LRBA: variants seen among roughly 807,000 people sequenced by gnomAD.
LRBA encodes the protein lipopolysaccharide-responsive and beige-like anchor protein.
A neutral mutation model predicts 330.0 loss-of-function variants in LRBA; 176 were observed. The observed-to-expected ratio is 0.53, with a 90% CI of 0.47 to 0.60. LRBA has a LOEUF of 0.60. Ranked by LOEUF, LRBA falls within the 20% of genes least tolerant of loss-of-function variation. The pLI is 0.00. For missense variants in LRBA, 3,259 were observed against 3,444.8 expected (o/e 0.95, Z 1.35); for synonymous variants, 1,230 against 1,193.0 (o/e 1.03, Z -0.64).
chr4:150,307,307 T>G (rs1423492636), intron 52 of LRBA, among the ~76,000 whole-genome samples: 1 of 151,656 alleles, frequency 6.6e-6, no homozygotes, highest in Non-Finnish European at 1.5e-5. Context: ...TGGCACAGGG[T>G]ATTTGGGGGC....
At chr4:150,770,489 T>C (rs550948511) in intron 34 of LRBA, among the ~76,000 whole-genome samples, 1 of 152,166 alleles carries the variant, frequency 6.6e-6, no homozygotes, top group East Asian at 1.9e-4. Flanking sequence ...AATACTTAAA[T>C]ACTATGGTGT....
chr4:150,919,846 G>T (rs1733050520), intron 5 of LRBA, among the ~76,000 whole-genome samples: 1 of 152,114 alleles, frequency 6.6e-6, no homozygotes, highest in African/African-American at 2.4e-5. Context: ...CAGCTCACCT[G>T]CCCTACTTTC....
chr4:150,369,242 C>T (rs1318754458), intron 47 of LRBA, among the ~76,000 whole-genome samples: 1 of 152,076 alleles, frequency 6.6e-6, no homozygotes, highest in Non-Finnish European at 1.5e-5. Flanking sequence ...CTATCTCATT[C>T]TTTCTCTTCT....
At chr4:150,597,061 T>A (rs762621210) in intron 38 of LRBA, 2 of 1,248,262 alleles carry the variant, frequency 1.6e-6, no homozygotes, top group Non-Finnish European at 2.3e-6. Context: ...AAAATTACTA[T>A]AAAATATTAC....
intron 42 of LRBA, among the ~76,000 whole-genome samples, chr4:150,481,644 T>A (rs970434142): frequency 5.3e-5 from 8 of 151,712 alleles, no homozygotes; most frequent in Non-Finnish European, 1.2e-4. Flanking sequence ...TAATTTCATA[T>A]AAATAAAACC....
chr4:150,574,249 T>C (rs1055780423), intron 40 of LRBA, among the ~76,000 whole-genome samples: 3 of 152,132 alleles, frequency 2.0e-5, no homozygotes, highest in South Asian at 2.1e-4. Flanking sequence ...AACTATATTT[T>C]GTAAATTTTT....
intron 34 of LRBA, among the ~76,000 whole-genome samples, chr4:150,786,482 G>A (rs1272741532): frequency 6.6e-6 from 1 of 151,938 alleles, no homozygotes; most frequent in Non-Finnish European, 1.5e-5. Flanking sequence ...GACCTCAGAT[G>A]ATCCACCCAG....
intron 46 of LRBA, among the ~76,000 whole-genome samples, chr4:150,434,844 C>A (rs550032554): frequency 1.3e-5 from 2 of 150,678 alleles, no homozygotes; most frequent in Non-Finnish European, 3.0e-5. Flanking sequence ...AGTGACAAAG[C>A]GAGACCTTGT....
chr4:150,591,765 T>C (rs1261112712), intron 38 of LRBA, among the ~76,000 whole-genome samples: 1 of 151,644 alleles, frequency 6.6e-6, no homozygotes, highest in Non-Finnish European at 1.5e-5. Context: ...AGAGAACACA[T>C]CTAGGGAGGG....
intron 36 of LRBA, among the ~76,000 whole-genome samples, chr4:150,732,552 T>C (rs1582179660): frequency 6.6e-6 from 1 of 152,092 alleles, no homozygotes; most frequent in East Asian, 1.9e-4. Context: ...ATCCTTTTCA[T>C]ATGTTTACTG....
At chr4:150,803,109 C>T (rs28526010) in intron 33 of LRBA, among the ~76,000 whole-genome samples, 18,540 of 143,902 alleles carry the variant, frequency 0.13, 1,780 homozygotes, top group African/African-American at 0.28. Context: ...CACACACACA[C>T]ATATATACAC....
intron 40 of LRBA, among the ~76,000 whole-genome samples, chr4:150,546,536 C>A (rs1398730553): frequency 1.3e-5 from 2 of 152,190 alleles, no homozygotes; most frequent in African/African-American, 4.8e-5. Flanking sequence ...AGGCTGCCTG[C>A]AGCTTACCCT....
chr4:150,447,306 C>T (rs1231154563), intron 44 of LRBA, among the ~76,000 whole-genome samples: 1 of 152,146 alleles, frequency 6.6e-6, no homozygotes, highest in African/African-American at 2.4e-5. Flanking sequence ...TGAGATTAGC[C>T]TTTAAACTGG....
intron 35 of LRBA, among the ~76,000 whole-genome samples, chr4:150,743,509 A>G (rs1284796794): frequency 1.3e-5 from 2 of 152,224 alleles, no homozygotes; most frequent in Admixed American, 1.3e-4. Flanking sequence ...AGCTTGGGGA[A>G]CATATAAAAG....
chr4:150,532,698 A>G (rs1430547930), intron 40 of LRBA, among the ~76,000 whole-genome samples: 1 of 152,144 alleles, frequency 6.6e-6, no homozygotes, highest in Non-Finnish European at 1.5e-5. Context: ...TATAAAACAG[A>G]AAGAGAAGAA....
chr4:150,815,782 C>T lies in LRBA; in HGVS notation c.5305+1342G>A, dbSNP rs1236033744. 3.9e-5 allele frequency among the ~76,000 whole-genome samples: 6 copies of T among 151,976 alleles called. No homozygotes were observed. The East Asian group carries it at 1.2e-3, about 29-fold the overall frequency. The stretch of plus-strand genomic sequence containing the variant: ...TGGAGATCCAAATGACTTCATAATA[C>T]ACTTTCTTGCTTTTACCATGTAAAG... On this transcript the variant is annotated intron_variant, in intron 31 of 56. Transcript: ENST00000651943.
At chr4:150,809,857 TACG>T (rs1743375139) in intron 31 of LRBA, among the ~76,000 whole-genome samples, 6 of 13,494 alleles carry the variant, frequency 4.4e-4, no homozygotes, top group African/African-American at 7.1e-4. Context: ...TAAAATACGA[TACG>T]ATACGATACG....
intron 27 of LRBA, 125 bp from the exon 28 acceptor site, chr4:150,844,332 C>T (rs1160437655): frequency 1.3e-5 from 7 of 552,026 alleles, no homozygotes; most frequent in Non-Finnish European, 1.8e-5. Context: ...CCTTTCCCCA[C>T]TTTTTTTGTG....
intron 37 of LRBA, among the ~76,000 whole-genome samples, chr4:150,616,780 T>A (rs753518930): frequency 7.2e-5 from 11 of 152,178 alleles, no homozygotes; most frequent in Non-Finnish European, 7.3e-5. Context: ...CTGGATTTAG[T>A]ACATTATAAA....
Sources: allele counts gnomAD v4.1 joint callset (sites outside exome capture counted in the v4.1 genomes callset), GRCh38; gene constraint gnomAD v4.1.1; transcripts MANE v1.5; gene names NCBI Gene and HGNC (gene_info 2026-07-23, HGNC 2026-07-21).